JAZF1: variants seen among roughly 807,000 people sequenced by gnomAD.
The protein encoded by JAZF1 is juxtaposed with another zinc finger protein 1.
In JAZF1, 8 loss-of-function variants were observed where a neutral mutation model predicts 26.4. The ratio of observed to expected loss-of-function variants is 0.30; its 90% CI spans 0.18 to 0.55. The LOEUF (loss-of-function observed/expected upper bound fraction) is 0.55, where lower values mean the gene tolerates loss of function less well. Ranked by LOEUF, JAZF1 falls within the 20% of genes least tolerant of loss-of-function variation. The pLI is 0.94. For synonymous variants in JAZF1, 126 were observed against 122.3 expected, an observed-to-expected ratio of 1.03 and a Z score of -0.20; for missense variants, 199 against 322.0, an observed-to-expected ratio of 0.62 and a Z score of 2.92.
intron 1 of JAZF1, among the ~76,000 whole-genome samples, chr7:28,001,245 G>A (rs1184080277): frequency 2.0e-5 from 3 of 151,976 alleles, no homozygotes; most frequent in African/African-American, 4.8e-5. Flanking sequence ...CCAGCTACAT[G>A]TGAGGCTGAG....
At chr7:28,021,030 T>C (rs539619072) in intron 1 of JAZF1, among the ~76,000 whole-genome samples, 15 of 152,254 alleles carry the variant, frequency 9.9e-5, no homozygotes, top group African/African-American at 2.9e-4. Flanking sequence ...TCTTGCAGAA[T>C]CCCAGATGGT....
intron 1 of JAZF1, among the ~76,000 whole-genome samples, chr7:28,129,806 T>C (rs997381836): frequency 5.3e-5 from 8 of 152,170 alleles, no homozygotes; most frequent in African/African-American, 1.7e-4. Flanking sequence ...CAGAGATAAG[T>C]TGGTACATTA....
chr7:27,978,817 A>T (rs1341657078), intron 2 of JAZF1, among the ~76,000 whole-genome samples: 2 of 151,958 alleles, frequency 1.3e-5, no homozygotes, highest in African/African-American at 4.8e-5. Context: ...TTTCCCAAAC[A>T]TAAAGACCAC....
intron 3 of JAZF1, among the ~76,000 whole-genome samples, chr7:27,878,261 T>C (rs1292591574): frequency 6.6e-6 from 1 of 151,258 alleles, no homozygotes; most frequent in Non-Finnish European, 1.5e-5. Flanking sequence ...TAGCTACATG[T>C]CCTTGACTCT....
At chr7:28,045,527 ATTG>A (rs200814212) in intron 1 of JAZF1, among the ~76,000 whole-genome samples, 2,011 of 152,294 alleles carry the variant, frequency 0.013, 42 homozygotes, top group African/African-American at 0.044. Context: ...GATACACAGA[ATTG>A]TTAAAAGTGC....
At chr7:28,066,661 C>G (rs577754083) in intron 1 of JAZF1, among the ~76,000 whole-genome samples, 1 of 144,458 alleles carries the variant, frequency 6.9e-6, no homozygotes, top group East Asian at 2.1e-4. Context: ...TGGGAACCAT[C>G]AAACCAGATG....
chr7:27,948,412 T>C (rs182642667), intron 2 of JAZF1, among the ~76,000 whole-genome samples: 205 of 152,262 alleles, frequency 1.3e-3, no homozygotes, highest in African/African-American at 4.7e-3. Flanking sequence ...AATCTGGCAA[T>C]AAGGATGAGA....
intron 3 of JAZF1, among the ~76,000 whole-genome samples, chr7:27,884,796 GCTATATA>G (rs1562518330): frequency 6.6e-6 from 1 of 152,170 alleles, no homozygotes; most frequent in African/African-American, 2.4e-5. Flanking sequence ...GAATAAAGGT[GCTATATA>G]CATCCTTGTA....
intron 1 of JAZF1, among the ~76,000 whole-genome samples, chr7:28,097,092 TAAC>T (rs1160208277): frequency 2.6e-5 from 4 of 152,098 alleles, no homozygotes; most frequent in Admixed American, 2.0e-4. Context: ...TGCATTAAGT[TAAC>T]AATAATGCCT....
At chr7:28,042,160 T>C (rs1783402998) in intron 1 of JAZF1, among the ~76,000 whole-genome samples, 1 of 152,144 alleles carries the variant, frequency 6.6e-6, no homozygotes, top group African/African-American at 2.4e-5. Flanking sequence ...GGCTGAGAGA[T>C]GGTGACAATA....
chr7:28,143,765 A>C (rs1782989561), intron 1 of JAZF1, among the ~76,000 whole-genome samples: 1 of 152,248 alleles, frequency 6.6e-6, no homozygotes, highest in African/African-American at 2.4e-5. Context: ...GCCAGACTGC[A>C]GGTCTTAAAG....
intron 2 of JAZF1, among the ~76,000 whole-genome samples, chr7:27,910,314 A>G (rs1397561454): frequency 2.0e-5 from 3 of 152,186 alleles, no homozygotes; most frequent in Non-Finnish European, 4.4e-5. Flanking sequence ...TCCCATGCAC[A>G]GCTCCCATGC....
chr7:28,023,418 T>C (rs1252102448), intron 1 of JAZF1, among the ~76,000 whole-genome samples: 1 of 152,220 alleles, frequency 6.6e-6, no homozygotes, highest in Non-Finnish European at 1.5e-5. Context: ...TATGTTTGCA[T>C]TCATGAGGAA....
intron 1 of JAZF1, among the ~76,000 whole-genome samples, chr7:28,067,609 C>T (rs1317555730): frequency 2.6e-5 from 4 of 152,144 alleles, no homozygotes; most frequent in African/African-American, 9.7e-5. Context: ...GGCAAACTTT[C>T]TCTTGTTTTC....
At chr7:28,095,208 T>C (rs76730676) in intron 1 of JAZF1, among the ~76,000 whole-genome samples, 9,174 of 152,248 alleles carry the variant, frequency 0.06, 699 homozygotes, top group African/African-American at 0.17. Flanking sequence ...TTGTTCACTC[T>C]GTTGGGCCTC....
chr7:28,139,096 C>T (rs1209323776), intron 1 of JAZF1, among the ~76,000 whole-genome samples: 1 of 152,168 alleles, frequency 6.6e-6, no homozygotes, highest in Non-Finnish European at 1.5e-5. Context: ...GACAAATTTC[C>T]CGGTTGCCTG....
chr7:28,180,403 C>T lies in JAZF1; in HGVS notation c.115+60G>A, dbSNP rs1257371821. 47 of 1,384,888 alleles carry T rather than the reference C, an allele frequency of 3.4e-5. No homozygotes were observed. In the Middle Eastern group the frequency reaches 6.8e-4, roughly 20 times the overall value. 85.8% of individuals were successfully genotyped at this position (1,384,888 alleles called of 1,614,324 possible). ...GGCCACCCCTGGCCATTCCGGGGCT[C>T]CCCGCCCGGGCAGGAGTTTCCGCGC... On this transcript the variant is annotated intron_variant, in intron 1 of 4. Transcript: ENST00000283928.
rs765206171 is a variant in JAZF1, at chr7:27,840,030, C to T, written c.555+668G>A. ...CATACTTGACTATTGTGCTGTTTCT[C>T]GTTGTTTTGTCCCTGTTCCTTATTA... On this transcript the variant is annotated intron_variant, in intron 4 of 4. Coordinates refer to ENST00000283928, the MANE Select transcript of JAZF1 (RefSeq NM_175061.4). The surrounding 1 kb of genome is among the most constrained non-coding windows in gnomAD (Gnocchi z 5.1). Among the ~76,000 whole-genome samples the T allele has an allele frequency of 1.3e-5, 2 of 152,128 alleles. No homozygotes were observed. The highest frequency in any genetic ancestry group is 2.4e-5 in the African/African-American group (1 of 41,406).
intron 1 of JAZF1, among the ~76,000 whole-genome samples, chr7:28,044,018 G>A (rs183989422): frequency 6.6e-6 from 1 of 152,202 alleles, no homozygotes; most frequent in East Asian, 1.9e-4. Flanking sequence ...ATGGGTTTGA[G>A]GTTTCTTTTG....
Sources: gnomAD v4.1 joint callset for allele counts (sites outside exome capture counted in the v4.1 genomes callset) on GRCh38, gnomAD v4.1.1 for gene constraint, Gnocchi (gnomAD v3.1) non-coding constraint, MANE v1.5 for transcripts, NCBI Gene and HGNC (gene_info 2026-07-23, HGNC 2026-07-21) for gene names.